Variants in GATA5 observed in about 807,000 individuals in gnomAD.
GATA5 encodes transcription factor GATA-5.
A neutral mutation model predicts 35.0 loss-of-function variants in GATA5; 27 were observed. The ratio of observed to expected loss-of-function variants is 0.77; its 90% CI spans 0.57 to 1.06. The LOEUF (loss-of-function observed/expected upper bound fraction) is 1.06. Among genes scored for constraint, GATA5 ranks in the 50% least tolerant of loss-of-function variants. The probability of loss-of-function intolerance (pLI) is 0.00; values close to 1 mark genes in which losing one functional copy is unlikely to be tolerated. For synonymous variants in GATA5, 306 were observed against 267.8 expected (o/e 1.14, Z -1.39); for missense variants, 612 against 580.0 (o/e 1.06, Z -0.57).
rs782235399 is a variant in GATA5 at position 62,469,641 on chromosome 20, C to T, written c.700-3090G>A. Reference sequence around the variant, plus strand: ...GCACACCCCTCACCCCGCACCCCTGCGAGTGCCAGGGAAACACCTGGAACC... The same window carrying T: ...GCACACCCCTCACCCCGCACCCCTGTGAGTGCCAGGGAAACACCTGGAACC... On this transcript the variant is annotated intron_variant, in intron 3 of 6. Transcript: ENST00000252997. 3.3e-5 allele frequency among the ~76,000 whole-genome samples: 5 copies of T among 152,238 alleles called. No individual in the cohort carries two copies. In the South Asian group the frequency reaches 6.2e-4, roughly 19 times the overall value.
intron 3 of GATA5, 96 bp downstream of exon 3, chr20:62,473,307 C>A: frequency 7.2e-7 from 1 of 1,395,350 alleles, no homozygotes; most frequent in South Asian, 1.2e-5. Flanking sequence ...TCCCTACCCC[C>A]TACCCCAGGG....
At chr20:62,474,905 T>G in intron 2 of GATA5, 94 bp downstream of exon 2, 4 of 1,091,498 alleles carry the variant, frequency 3.7e-6, no homozygotes, top group Non-Finnish European at 4.7e-6. Flanking sequence ...GCTCGGACCG[T>G]GGGGGAGGAT....
Position 62,475,404 on chromosome 20 carries a change from G to T in GATA5, c.118C>A (p.Pro40Thr). The T allele has an allele frequency of 7.4e-7, 1 of 1,358,230 alleles. No homozygotes were observed. Among genetic ancestry groups the T allele is most frequent in the Non-Finnish European group, 9.5e-7 (1 of 1,054,502 alleles). 84.1% of individuals were successfully genotyped at this position (1,358,230 alleles called of 1,614,324 possible). Residue 40 changes from proline to threonine, a missense_variant, in exon 2 of 7, where the codon CCC becomes ACC. By Grantham distance (38) the Pro-to-Thr change is conservative. Coordinates refer to ENST00000252997, the MANE Select transcript of GATA5 (RefSeq NM_080473.5). ...SPMFVPPARV[P>T]SMLSYLSGCE... The stretch of plus-strand genomic sequence containing the variant: ...CCGGACAGGTAGGACAGCATCGAGG[G>T]GACGCGCGCCGGCGGCACAAACATC...
At chr20:62,468,944 C>T (rs1302939749) in intron 3 of GATA5, among the ~76,000 whole-genome samples, 1 of 152,252 alleles carries the variant, frequency 6.6e-6, no homozygotes, top group Non-Finnish European at 1.5e-5. Context: ...CCCCCTGCCA[C>T]ACCCTGATGG....
At chr20:62,472,180 C>G (rs1344300129) in intron 3 of GATA5, among the ~76,000 whole-genome samples, 1 of 152,122 alleles carries the variant, frequency 6.6e-6, no homozygotes, top group Non-Finnish European at 1.5e-5. Context: ...CTCCTAGGAG[C>G]CTTCCCTCCG....
rs1555897023 is a variant in GATA5, at chr20:62,475,289, C to A, written c.233G>T (p.Gly78Val). The change falls in exon 2 of 7, where the codon GGC becomes GTC. Residue 78 changes from glycine (G) to valine (V), a missense_variant. Physicochemically the swap from Gly to Val is moderately radical, Grantham distance 109. Coordinates refer to ENST00000252997, the MANE Select transcript of GATA5 (RefSeq NM_080473.5). ...GTGCGCGGCTGGGGGGTGCGGACTGCCCGGGCCGAAGGCCGACGAATCCGC... is the reference window on the plus strand; with the variant it reads ...GTGCGCGGCTGGGGGGTGCGGACTGACCGGGCCGAAGGCCGACGAATCCGC... ...ATADSSAFGP[G>V]SPHPPAAHPP... is the part of the protein sequence containing the mutation. 8 of 1,244,962 alleles carry A rather than the reference C, an allele frequency of 6.4e-6. No homozygotes were observed. Among genetic ancestry groups the A allele is most frequent in the Non-Finnish European group, 1.0e-6 (1 of 994,646 alleles). The allele number at this position is 1,244,962 out of a possible 1,614,324, so 77.1% of individuals were successfully genotyped here. A position where few individuals can be genotyped will look rare whatever the true frequency, so the allele number is the denominator to read the frequency against.
rs1555895968 is a variant in GATA5 at position 62,465,448 on chromosome 20, G to A, written c.930C>T (p.Ala310=). 3 of 1,608,626 alleles carry A rather than the reference G, an allele frequency of 1.9e-6. No individual in the cohort carries two copies. Among genetic ancestry groups the A allele is most frequent in the Non-Finnish European group, 2.5e-6 (3 of 1,179,612 alleles). Residue 310 remains alanine (A), a synonymous_variant, in exon 6 of 7, where the codon GCC becomes GCT. Coordinates refer to ENST00000252997, the MANE Select transcript of GATA5 (RefSeq NM_080473.5). ...ARGSSGSTRN[A]SASPSAVAST... ...TGGCGACAGCAGATGGGGAGGCCGA[G>A]GCATTCCTTGTGGATCCTGGAAGCG...
intron 3 of GATA5, among the ~76,000 whole-genome samples, chr20:62,467,372 T>G (rs1395139497): frequency 6.6e-6 from 1 of 152,154 alleles, no homozygotes; most frequent in East Asian, 1.9e-4. Flanking sequence ...AAGTTGGTGC[T>G]TGGAGGGAGG....
chr20:62,467,113 C>T (rs1405638262), intron 3 of GATA5, among the ~76,000 whole-genome samples: 1 of 152,242 alleles, frequency 6.6e-6, no homozygotes, highest in African/African-American at 2.4e-5. Context: ...CTGGAACCTT[C>T]CAGAGGCTCC....
At chr20:62,467,172 TC>T (rs1265167592) in intron 3 of GATA5, among the ~76,000 whole-genome samples, 1 of 152,150 alleles carries the variant, frequency 6.6e-6, no homozygotes, top group African/African-American at 2.4e-5. Context: ...CTGACCCCAA[TC>T]TGGCAGGCCC....
At chr20:62,468,224 T>A (rs1358984979) in intron 3 of GATA5, among the ~76,000 whole-genome samples, 2 of 152,028 alleles carry the variant, frequency 1.3e-5, no homozygotes, top group East Asian at 1.9e-4. Flanking sequence ...GGCTTCCCCG[T>A]CTGTTACAGC....
At chr20:62,467,481 C>G (rs13044490) in intron 3 of GATA5, among the ~76,000 whole-genome samples, 50,956 of 152,116 alleles carry the variant, frequency 0.33, 8,879 homozygotes, top group South Asian at 0.47. Context: ...GCTGGTGGCA[C>G]CACCCTTCCC....
chr20:62,473,363 GC>G, intron 3 of GATA5, 39 bp downstream of exon 3: 10 of 1,572,216 alleles, frequency 6.4e-6, no homozygotes, highest in Non-Finnish European at 7.8e-6. Flanking sequence ...CCTCGGGGGA[GC>G]ACTGCGCCCA....
At position 62,475,479 on chromosome 20, in the gene GATA5, C is replaced by A. The variant is rs1303251290; in HGVS notation, c.43G>T (p.Ala15Ser). ...AGGAAGGAGCCCGAGTCGGCGTAGG[C>A]GGCCTGGCGGGGGCTCGCGGCCAGC... Reference protein sequence around the residue: ...LALAASPRQAAYADSGSFLHA... With the variant: ...LALAASPRQASYADSGSFLHA... Residue 15 changes from alanine to serine, a missense_variant, in exon 2 of 7, where the codon GCC becomes TCC. By Grantham distance (99) the Ala-to-Ser change is moderately conservative. Transcript: ENST00000252997. The A allele has an allele frequency of 1.1e-5, 14 of 1,328,484 alleles. No homozygotes were observed. The highest frequency in any genetic ancestry group is 2.3e-5 in the South Asian group (1 of 44,142). 82.3% of individuals were successfully genotyped at this position (1,328,484 alleles called of 1,614,324 possible). A position where few individuals can be genotyped will look rare whatever the true frequency, so the allele number is the denominator to read the frequency against.
intron 5 of GATA5, 63 bp from the exon 6 acceptor site, chr20:62,465,527 A>G (rs1601514269): frequency 6.4e-7 from 1 of 1,556,364 alleles, no homozygotes; most frequent in South Asian, 1.2e-5. Flanking sequence ...CCTTCCTGCC[A>G]TGTAGCGGGT....
At chr20:62,465,965 A>C (rs782026155) in intron 4 of GATA5, 44 bp from the exon 5 acceptor site, 7 of 1,388,852 alleles carry the variant, frequency 5.0e-6, no homozygotes, top group Admixed American at 3.9e-5. Context: ...ATCCCTGCTC[A>C]CCCCGGGCCC....
intron 3 of GATA5, among the ~76,000 whole-genome samples, chr20:62,471,679 C>A (rs572874348): frequency 4.6e-5 from 7 of 151,574 alleles, no homozygotes; most frequent in African/African-American, 1.7e-4. Context: ...GATCCTCCTG[C>A]CTTAGCCTCC....
chr20:62,472,467 C>T (rs1601518760), intron 3 of GATA5, among the ~76,000 whole-genome samples: 1 of 152,222 alleles, frequency 6.6e-6, no homozygotes, highest in African/African-American at 2.4e-5. Flanking sequence ...GAGGGCTGGC[C>T]TCCACCCAGG....
chr20:62,466,428 C>G lies in GATA5; in HGVS notation c.823G>C (p.Gly275Arg), dbSNP rs552849600. 1.7e-5 allele frequency: 27 copies of G among 1,584,314 alleles called. No homozygotes were observed. The highest frequency in any genetic ancestry group is 2.0e-5 in the Non-Finnish European group (23 of 1,165,804). ...CCTGCCCCGGGGACCACACTCACCC[C>G]GTGCAGCTTCATGTAGAGGCCGCAG... ...NACGLYMKLH[G>R]VPRPLAMKKE... Residue 275 changes from glycine to arginine, a missense_variant and splice_region_variant, in exon 4 of 7, where the codon GGG becomes CGG. Gly to Arg is a moderately radical substitution (Grantham distance 125). Transcript: ENST00000252997.
Sources: gnomAD v4.1 joint callset for allele counts (sites outside exome capture counted in the v4.1 genomes callset) on GRCh38, gnomAD v4.1.1 for gene constraint, MANE v1.5 for transcripts, NCBI Gene and HGNC (gene_info 2026-07-23, HGNC 2026-07-21) for gene names.